USP40: variants seen among roughly 807,000 people sequenced by gnomAD.
The protein encoded by USP40 is ubiquitin carboxyl-terminal hydrolase 40.
USP40 carries 143 observed loss-of-function variants against 166.2 expected under a neutral mutation model. That is an observed-to-expected ratio of 0.86 (90% CI 0.75 to 0.99). USP40 has a LOEUF of 0.99. Ranked by LOEUF, USP40 falls within the 50% of genes least tolerant of loss-of-function variation. The pLI, the probability that USP40 is intolerant of heterozygous loss-of-function variation, is 0.00. For synonymous variants in USP40, 498 were observed against 524.0 expected (o/e 0.95, Z 0.68); for missense variants, 1,444 against 1,479.7 (o/e 0.98, Z 0.40).
chr2:233,560,847 G>A (rs2071521245), intron 3 of USP40: 2 of 551,148 alleles, frequency 3.6e-6, no homozygotes, highest in Non-Finnish European at 6.6e-6. Context: ...CAAAAAAAGT[G>A]CTTTAAATAG....
chr2:233,511,633 G>A, intron 20 of USP40, 76 bp downstream of exon 20: 9 of 1,070,422 alleles, frequency 8.4e-6, no homozygotes, highest in Non-Finnish European at 6.7e-6. Flanking sequence ...AATATTACTG[G>A]AGTAGCTAAG....
chr2:233,477,454 T>A lies in USP40; in HGVS notation c.3649A>T (p.Thr1217Ser). 6.2e-7 allele frequency: 1 copy of A among 1,613,776 alleles called. No homozygotes were observed. The highest frequency in any genetic ancestry group is 2.2e-5 in the East Asian group (1 of 44,880). ...QSSYILSSAE[T>S]PARPRAPETS... ...TCCGGGGCTCGGGGCCGGGCAGGCG[T>A]CTCTGCACTGGAGAGGATGTAGCTG... is the stretch of plus-strand genomic sequence containing the variant. Residue 1217 changes from threonine (T) to serine (S), a missense_variant, in exon 32 of 32, where the codon ACG (threonine) becomes TCG (serine). Physicochemically the swap from Thr to Ser is moderately conservative, Grantham distance 58. Coordinates refer to ENST00000678225, the MANE Select transcript of USP40 (RefSeq NM_001365479.2).
chr2:233,509,383 T>C (rs993601013), intron 21 of USP40, among the ~76,000 whole-genome samples: 2 of 152,224 alleles, frequency 1.3e-5, no homozygotes, highest in Admixed American at 6.5e-5. Context: ...CCACTGTGTG[T>C]GTATATAAAT....
intron 30 of USP40, among the ~76,000 whole-genome samples, chr2:233,483,405 C>T (rs143864332): frequency 1.2e-4 from 19 of 152,268 alleles, no homozygotes; most frequent in East Asian, 5.8e-4. Context: ...GTGGGAGGAT[C>T]GCTTGAGCCC....
intron 4 of USP40, among the ~76,000 whole-genome samples, chr2:233,557,888 C>T (rs1478577462): frequency 6.6e-6 from 1 of 150,626 alleles, no homozygotes; most frequent in Non-Finnish European, 1.5e-5. Context: ...TAGCTCATGC[C>T]TAAAATCTCA....
At position 233,496,810 on chromosome 2, in the gene USP40, A is replaced by C; in HGVS notation, c.2738T>G (p.Leu913Arg). Residue 913 changes from leucine to arginine, a missense_variant, in exon 24 of 32, where the codon CTG becomes CGG. Coordinates refer to ENST00000678225, the MANE Select transcript of USP40 (RefSeq NM_001365479.2). ...CEEDATLKEL[L>R]ICSGDTLLLI... Reference sequence around the variant, plus strand: ...AAGCAAAGTATCTCCAGAACATATCAGAAGTTCTTTCAGTGTTGCATCCTG... The same window carrying C: ...AAGCAAAGTATCTCCAGAACATATCCGAAGTTCTTTCAGTGTTGCATCCTG... 1 of 1,612,584 alleles carries C rather than the reference A, an allele frequency of 6.2e-7. No homozygotes were observed. The highest frequency in any genetic ancestry group is 8.5e-7 in the Non-Finnish European group (1 of 1,179,358).
At chr2:233,518,043 G>A (rs1305232492) in intron 18 of USP40, among the ~76,000 whole-genome samples, 2 of 151,226 alleles carry the variant, frequency 1.3e-5, no homozygotes, top group African/African-American at 2.4e-5. Flanking sequence ...GTGGGAGGGG[G>A]ATGAGGGATA....
intron 28 of USP40, chr2:233,487,878 A>C (rs2065046109): frequency 1.6e-5 from 8 of 503,748 alleles, no homozygotes; most frequent in Non-Finnish European, 3.2e-5. Flanking sequence ...TGAAGAAAGT[A>C]GAATAAGGGG....
Position 233,549,161 on chromosome 2 carries a change from G to A in USP40, c.906C>T (p.Tyr302=), listed in dbSNP as rs763929760. 5.0e-6 allele frequency: 8 copies of A among 1,590,964 alleles called. No individual in the cohort carries two copies. The highest frequency in any genetic ancestry group is 3.4e-5 in the South Asian group (3 of 88,296). Residue 302 remains tyrosine (Y), a synonymous_variant, in exon 8 of 32, where the codon TAC becomes TAT. Transcript: ENST00000678225. The part of the protein sequence containing the change: ...FSVIIHKGGC[Y]GGHYHVYIKD... ...TAATATATACATGGTAATGGCCTCCGTAGCAGCCACCTTTGTGTATAATAA... is the reference window on the plus strand; with the variant it reads ...TAATATATACATGGTAATGGCCTCCATAGCAGCCACCTTTGTGTATAATAA...
At chr2:233,489,724 CTCTAAA>C in intron 26 of USP40, 1 of 414,918 alleles carries the variant, frequency 2.4e-6, no homozygotes. Flanking sequence ...AGTTCCCTCT[CTCTAAA>C]TCTGAGTCAA....
At position 233,529,791 on chromosome 2, in the gene USP40, CT is replaced by C. The variant is rs1451072535; in HGVS notation, c.1472-280del. On this transcript the variant is annotated intron_variant, in intron 11 of 31. Coordinates refer to ENST00000678225, the MANE Select transcript of USP40 (RefSeq NM_001365479.2). ...TTAAAAAGAACACCCAGATTTTCAT[CT>C]TTTTTTTTTCTTTTTCTTTTTCTTT... Among the ~76,000 whole-genome samples the C allele has an allele frequency of 2.6e-3, 341 of 132,600 alleles. 3 individuals are homozygous for C. The highest frequency in any genetic ancestry group is 2.5e-3 in the Non-Finnish European group (156 of 61,798). The allele number at this position is 132,600 out of a possible 152,430, so 87.0% of individuals were successfully genotyped here.
chr2:233,498,457 A>T, intron 23 of USP40, 91 bp downstream of exon 23: 2 of 1,158,758 alleles, frequency 1.7e-6, no homozygotes, highest in Non-Finnish European at 2.5e-6. Context: ...GAAAGTAATT[A>T]AAGCTTTCTC....
chr2:233,546,614 A>G (rs1282137707), intron 8 of USP40: 1 of 152,426 alleles, frequency 6.6e-6, no homozygotes, highest in African/African-American at 2.4e-5. Context: ...AGGTGGAGGC[A>G]CAACTGGAAG....
At chr2:233,489,591 G>C in intron 26 of USP40, 108 bp from the exon 27 acceptor site, 1 of 847,016 alleles carries the variant, frequency 1.2e-6, no homozygotes, top group South Asian at 1.8e-5. Context: ...CTCAAGGAAA[G>C]AGTATCTCAA....
intron 11 of USP40, among the ~76,000 whole-genome samples, chr2:233,532,715 G>C (rs1002500152): frequency 6.6e-6 from 1 of 152,180 alleles, no homozygotes; most frequent in Admixed American, 6.5e-5. Context: ...GCTGAGGTGT[G>C]AGCATCATCT....
At chr2:233,487,456 C>T (rs1342841477) in intron 28 of USP40, among the ~76,000 whole-genome samples, 1 of 152,136 alleles carries the variant, frequency 6.6e-6, no homozygotes, top group Non-Finnish European at 1.5e-5. Flanking sequence ...AATTCCCCTC[C>T]AGGAAACTAT....
chr2:233,526,631 C>T (rs183588918), intron 13 of USP40, among the ~76,000 whole-genome samples: 1 of 152,236 alleles, frequency 6.6e-6, no homozygotes, highest in East Asian at 1.9e-4. Flanking sequence ...AAAAAGCTAA[C>T]ATTTTCTATC....
intron 21 of USP40, among the ~76,000 whole-genome samples, chr2:233,502,967 T>C (rs1260898843): frequency 6.6e-6 from 1 of 152,070 alleles, no homozygotes; most frequent in Non-Finnish European, 1.5e-5. Context: ...ACAAGAAATA[T>C]GAAGGGCCAA....
Position 233,533,635 on chromosome 2 carries a change from C to T in USP40, c.1315G>A (p.Gly439Ser). Residue 439 changes from glycine to serine, a missense_variant, in exon 11 of 32, where the codon GGT (glycine) becomes AGT (serine). Coordinates refer to ENST00000678225, the MANE Select transcript of USP40 (RefSeq NM_001365479.2). ...GGACAGGAGATGCTATTGTTTAAAC[C>T]TGGGGATTCTGGAGGAAGCATCTTG... The part of the protein sequence containing the change: ...IFKMLPPESP[G>S]LNNSISCPHW... 6.2e-7 allele frequency: 1 copy of T among 1,613,706 alleles called. No individual in the cohort carries two copies. The highest frequency in any genetic ancestry group is 8.5e-7 in the Non-Finnish European group (1 of 1,179,796).
Sources: allele counts gnomAD v4.1 joint callset (sites outside exome capture counted in the v4.1 genomes callset), GRCh38; gene constraint gnomAD v4.1.1; transcripts MANE v1.5; gene names NCBI Gene and HGNC (gene_info 2026-07-23, HGNC 2026-07-21).